Variants in AKAP6 observed in about 807,000 individuals in gnomAD.
The protein encoded by AKAP6 is A-kinase anchoring protein 6.
AKAP6 carries 58 observed loss-of-function variants against 188.5 expected under a neutral mutation model. That is an observed-to-expected ratio of 0.31 (90% CI 0.25 to 0.38). The LOEUF (loss-of-function observed/expected upper bound fraction) is 0.38. Ranked by LOEUF, AKAP6 falls within the 10% of genes least tolerant of loss-of-function variation. AKAP6 has a pLI of 1.00. For synonymous variants in AKAP6, 989 were observed against 998.6 expected, an observed-to-expected ratio of 0.99 and a Z score of 0.18; for missense variants, 2,710 against 2,740.0, an observed-to-expected ratio of 0.99 and a Z score of 0.24.
intron 11 of AKAP6, among the ~76,000 whole-genome samples, chr14:32,738,221 A>G (rs939992291): frequency 6.6e-6 from 1 of 152,156 alleles, no homozygotes; most frequent in African/African-American, 2.4e-5. Flanking sequence ...GGAAAGCACT[A>G]CTTTTTAATG....
chr14:32,454,713 CTCCT>C lies in AKAP6; in HGVS notation c.324+20899_324+20902del, dbSNP rs1566512190. Among the ~76,000 whole-genome samples, 340 of 39,688 alleles carry C rather than the reference CTCCT, an allele frequency of 8.6e-3. 70 individuals are homozygous for C. The highest frequency in any genetic ancestry group is 0.027 in the African/African-American group (300 of 11,320). The allele number at this position is 39,688 out of a possible 152,430, so 26.0% of individuals were successfully genotyped here. A position where few individuals can be genotyped will look rare whatever the true frequency, so the allele number is the denominator to read the frequency against. ...CCTCCCTCCCTCCCTCCCTCCTTCC[CTCCT>C]TCTCTCCTTCCCTCCTTCCCTCCCT... On this transcript the variant is annotated intron_variant, in intron 2 of 13. Transcript: ENST00000280979.
intron 2 of AKAP6, among the ~76,000 whole-genome samples, chr14:32,498,953 G>A (rs1255278362): frequency 6.7e-6 from 1 of 149,422 alleles, no homozygotes; most frequent in Non-Finnish European, 1.5e-5. Flanking sequence ...TTTTTTTTTG[G>A]TCCATGTCTG....
Position 32,657,025 on chromosome 14 carries a change from G to A in AKAP6, c.2731-21286G>A, listed in dbSNP as rs1246824792. Among the ~76,000 whole-genome samples the A allele has an allele frequency of 6.6e-5, 10 of 152,224 alleles. No individual in the cohort carries two copies. In the East Asian group the frequency reaches 1.9e-3, roughly 29 times the overall value. On this transcript the variant is annotated intron_variant, in intron 7 of 13. Transcript: ENST00000280979. ...AGTTTATAGAATAGGGGAAGAATTT[G>A]ATAAAGACTCCACAAATTCACGTAA...
chr14:32,557,929 C>T (rs17099276), intron 4 of AKAP6, among the ~76,000 whole-genome samples: 18,600 of 152,020 alleles, frequency 0.12, 2,195 homozygotes, highest in African/African-American at 0.31. Flanking sequence ...GTCCTAGAGA[C>T]TTTCAGATTC....
At chr14:32,612,399 A>G (rs976702151) in intron 7 of AKAP6, among the ~76,000 whole-genome samples, 2 of 152,148 alleles carry the variant, frequency 1.3e-5, no homozygotes, top group Non-Finnish European at 2.9e-5. Flanking sequence ...TGTAGTTATA[A>G]TATCCTTTTT....
At chr14:32,468,672 T>C (rs1430879263) in intron 2 of AKAP6, among the ~76,000 whole-genome samples, 1 of 152,146 alleles carries the variant, frequency 6.6e-6, no homozygotes, top group Non-Finnish European at 1.5e-5. Context: ...TGTTTTATTG[T>C]CCTCCCTCCT....
chr14:32,576,622 A>G (rs1884730679), intron 4 of AKAP6, among the ~76,000 whole-genome samples: 1 of 152,166 alleles, frequency 6.6e-6, no homozygotes, highest in Non-Finnish European at 1.5e-5. Flanking sequence ...ACCTGTAAAT[A>G]CTTATGTAAT....
intron 4 of AKAP6, among the ~76,000 whole-genome samples, chr14:32,555,521 A>G (rs1241199792): frequency 1.3e-5 from 2 of 152,196 alleles, no homozygotes; most frequent in Non-Finnish European, 2.9e-5. Context: ...GAATATTTGC[A>G]TGGTTGTAAA....
chr14:32,334,073 CTG>C (rs1341738116), intron 1 of AKAP6, among the ~76,000 whole-genome samples: 4 of 152,104 alleles, frequency 2.6e-5, no homozygotes, highest in Non-Finnish European at 4.4e-5. Context: ...ATCATATTGA[CTG>C]AACTCTGTAG....
chr14:32,479,144 ATTAC>A (rs1879215124), intron 2 of AKAP6, among the ~76,000 whole-genome samples: 1 of 152,178 alleles, frequency 6.6e-6, no homozygotes, highest in Non-Finnish European at 1.5e-5. Context: ...GCTTTTAAAA[ATTAC>A]TTCTATTGTT....
intron 7 of AKAP6, among the ~76,000 whole-genome samples, chr14:32,615,674 C>T (rs1886546143): frequency 1.4e-5 from 2 of 147,420 alleles, no homozygotes; most frequent in South Asian, 4.3e-4. Flanking sequence ...CTGCTCACTG[C>T]AAGCTCCGCC....
In AKAP6 at chr14:32,401,013, A is replaced by G. The variant is rs529497474; in HGVS notation, c.-34-32447A>G. Among the ~76,000 whole-genome samples, 17 of 152,242 alleles carry G rather than the reference A, an allele frequency of 1.1e-4. No homozygotes were observed. In the South Asian group the frequency reaches 3.5e-3, roughly 32 times the overall value. Reference sequence around the variant, plus strand: ...CTGCTGGGGGCTTCCAGGAAAGTTTACCTCAATCTTGAGAAAAAGGCATAG... The same window carrying G: ...CTGCTGGGGGCTTCCAGGAAAGTTTGCCTCAATCTTGAGAAAAAGGCATAG... On this transcript the variant is annotated intron_variant, in intron 1 of 13. Coordinates refer to ENST00000280979, the MANE Select transcript of AKAP6 (RefSeq NM_004274.5).
chr14:32,702,749 T>C (rs984807227), intron 9 of AKAP6, among the ~76,000 whole-genome samples: 3 of 152,170 alleles, frequency 2.0e-5, no homozygotes, highest in African/African-American at 7.2e-5. Context: ...TGGCTGGCTC[T>C]GGCCTAGAGT....
At chr14:32,465,696 A>C (rs139984361) in intron 2 of AKAP6, among the ~76,000 whole-genome samples, 52,635 of 151,896 alleles carry the variant, frequency 0.35, 10,730 homozygotes, top group Non-Finnish European at 0.47. Context: ...ACTAAAACAC[A>C]AAAAGCAATT....
At chr14:32,490,871 A>C (rs1055531994) in intron 2 of AKAP6, among the ~76,000 whole-genome samples, 7 of 152,208 alleles carry the variant, frequency 4.6e-5, no homozygotes, top group Non-Finnish European at 1.0e-4. Flanking sequence ...AGTCTGCTAT[A>C]ATCAGAAGGA....
chr14:32,681,900 GACAA>G, intron 8 of AKAP6, among the ~76,000 whole-genome samples: 1 of 152,066 alleles, frequency 6.6e-6, no homozygotes, highest in African/African-American at 2.4e-5. Context: ...GGCTGAATTT[GACAA>G]ACATTTTAAA....
intron 2 of AKAP6, among the ~76,000 whole-genome samples, chr14:32,489,234 C>A (rs185975109): frequency 8.5e-5 from 13 of 152,264 alleles, no homozygotes; most frequent in Admixed American, 7.2e-4. Flanking sequence ...TTTAGAGCTG[C>A]AATCTCACTC....
chr14:32,772,700 T>G (rs1297252128), intron 11 of AKAP6, among the ~76,000 whole-genome samples: 2 of 152,204 alleles, frequency 1.3e-5, no homozygotes, highest in Admixed American at 6.5e-5. Flanking sequence ...GCACAAATAC[T>G]TTCAGGCATT....
chr14:32,765,250 A>T (rs2032675798), intron 11 of AKAP6, among the ~76,000 whole-genome samples: 1 of 152,098 alleles, frequency 6.6e-6, no homozygotes, highest in Non-Finnish European at 1.5e-5. Context: ...AATCTTGATG[A>T]AATATTTGAA....
Sources: allele counts gnomAD v4.1 joint callset (sites outside exome capture counted in the v4.1 genomes callset), GRCh38; gene constraint gnomAD v4.1.1; transcripts MANE v1.5; gene names NCBI Gene and HGNC (gene_info 2026-07-23, HGNC 2026-07-21).